CRACR2A: variants seen among roughly 807,000 people sequenced by gnomAD.
CRACR2A encodes calcium release activated channel regulator 2A, also known as EF-hand calcium-binding domain-containing protein 4B.
In CRACR2A, 79 loss-of-function variants were observed where a neutral mutation model predicts 90.5. The ratio of observed to expected loss-of-function variants is 0.87; its 90% confidence interval spans 0.73 to 1.05. CRACR2A has a LOEUF of 1.05. CRACR2A is among the 50% of genes least tolerant of loss of function. CRACR2A has a pLI of 0.00. For synonymous variants in CRACR2A, 338 were observed against 356.7 expected, an observed-to-expected ratio of 0.95 and a Z score of 0.59; for missense variants, 823 against 897.2, an observed-to-expected ratio of 0.92 and a Z score of 1.06.
chr12:3,669,565 G>C (rs1945205414), intron 7 of CRACR2A, among the ~76,000 whole-genome samples: 1 of 152,168 alleles, frequency 6.6e-6, no homozygotes, highest in Admixed American at 6.5e-5. Context: ...GAGACTGAAT[G>C]CTCCCAGACT....
chr12:3,625,537 C>G (rs1389412830), intron 17 of CRACR2A, among the ~76,000 whole-genome samples: 1 of 150,518 alleles, frequency 6.6e-6, no homozygotes, highest in Non-Finnish European at 1.5e-5. Flanking sequence ...TGGGGGACAA[C>G]TAAATGTCTG....
At chr12:3,720,416 G>GGAGA (rs1555119070) in intron 2 of CRACR2A, among the ~76,000 whole-genome samples, 1 of 106,634 alleles carries the variant, frequency 9.4e-6, no homozygotes, top group South Asian at 3.4e-4. Flanking sequence ...TGAGAGAGAG[G>GGAGA]AAGAAAGAAA....
chr12:3,675,111 C>T (rs1171997352), intron 6 of CRACR2A, among the ~76,000 whole-genome samples: 1 of 152,178 alleles, frequency 6.6e-6, no homozygotes, highest in East Asian at 1.9e-4. Flanking sequence ...CAGTCATCTG[C>T]ACCTTGACAA....
chr12:3,707,564 G>A (rs989164854), intron 3 of CRACR2A, among the ~76,000 whole-genome samples: 9 of 152,186 alleles, frequency 5.9e-5, no homozygotes, highest in Non-Finnish European at 1.2e-4. Context: ...GAACATCAAA[G>A]CCAAACATAG....
chr12:3,679,484 A>G (rs938431296), intron 5 of CRACR2A, among the ~76,000 whole-genome samples: 18 of 152,106 alleles, frequency 1.2e-4, no homozygotes, highest in Non-Finnish European at 2.2e-4. Flanking sequence ...CATCCTAGTC[A>G]TCCTCCCGCT....
intron 4 of CRACR2A, among the ~76,000 whole-genome samples, chr12:3,693,816 C>A (rs192801681): frequency 6.6e-6 from 1 of 152,126 alleles, no homozygotes; most frequent in Non-Finnish European, 1.5e-5. Flanking sequence ...AAGTATCTTA[C>A]TGGGGTTCTT....
In CRACR2A at chr12:3,638,019, TGCAGCATCTGACCTCCTGA is replaced by T. The variant is rs1944489006; in HGVS notation, c.1602+86_1602+104del. ...CACATATGTGGTGAATCATAAGACC[TGCAGCATCTGACCTCCTGA>T]GCTGCCTCTCCGGGCGCTTGGCCTC... On this transcript the variant is annotated intron_variant, in intron 14 of 19. Coordinates refer to ENST00000440314, the MANE Select transcript of CRACR2A (RefSeq NM_001144958.2). 58 of 1,121,064 alleles carry T rather than the reference TGCAGCATCTGACCTCCTGA, an allele frequency of 5.2e-5. No homozygotes were observed. In the South Asian group the frequency reaches 8.9e-4, roughly 17 times the overall value. The allele number at this position is 1,121,064 out of a possible 1,614,324, so 69.4% of individuals were successfully genotyped here.
Position 3,638,341 on chromosome 12 carries a change from C to A in CRACR2A, c.1385G>T (p.Gly462Val), listed in dbSNP as rs1163393122. 1.3e-6 allele frequency: 2 copies of A among 1,551,432 alleles called. No homozygotes were observed. The highest frequency in any genetic ancestry group is 2.4e-5 in the East Asian group (1 of 40,904). ...EPGTGEPGPG[G>V]PYPRPLRRII... is the part of the protein sequence containing the mutation. ...TCTGCGGAGCGGCCGGGGGTACGGA[C>A]CCCCAGGCCCTGGCTCCCCGGTTCC... The change falls in exon 14 of 20, where the codon GGT becomes GTT. Residue 462 changes from glycine to valine, a missense_variant. Transcript: ENST00000440314.
chr12:3,627,777 T>G, intron 15 of CRACR2A, 71 bp from the exon 16 acceptor site: 2 of 1,411,214 alleles, frequency 1.4e-6, no homozygotes, highest in South Asian at 2.5e-5. Flanking sequence ...CAGGAAACAA[T>G]GCTTCCAACA....
chr12:3,632,514 T>C lies in CRACR2A; in HGVS notation c.1735+1090A>G, dbSNP rs528366119. Among the ~76,000 whole-genome samples the C allele has an allele frequency of 4.6e-5, 7 of 152,290 alleles. No individual in the cohort carries two copies. The South Asian group carries it at 1.2e-3, about 27-fold the overall frequency. Reference sequence around the variant, plus strand: ...CTGAACCTCCACAGCCCCTCCTGTCTGCACCAACCTCTGCCCACCTCCAGA... The same window carrying C: ...CTGAACCTCCACAGCCCCTCCTGTCCGCACCAACCTCTGCCCACCTCCAGA... On this transcript the variant is annotated intron_variant, in intron 15 of 19. Coordinates refer to ENST00000440314, the MANE Select transcript of CRACR2A (RefSeq NM_001144958.2).
rs377375003 is a variant in CRACR2A at position 3,680,330 on chromosome 12, G to A, written c.248C>T (p.Pro83Leu). Residue 83 changes from proline to leucine, a missense_variant, in exon 5 of 20, where the codon CCG becomes CTG. Transcript: ENST00000440314. The stretch of plus-strand genomic sequence containing the variant: ...ATCCTCCAGTTCCTCCAGGCTGAGC[G>A]GTAGCTCCTTATGCAGCCTCTGAAA... The part of the protein sequence containing the change: ...KDMQRLHKEL[P>L]LSLEELEDVF... 6.1e-5 allele frequency: 98 copies of A among 1,613,926 alleles called. No homozygotes were observed. Among genetic ancestry groups the A allele is most frequent in the Non-Finnish European group, 7.7e-5 (91 of 1,179,950 alleles).
chr12:3,748,324 C>G (rs1946655122), intron 1 of CRACR2A, among the ~76,000 whole-genome samples: 1 of 152,182 alleles, frequency 6.6e-6, no homozygotes, highest in African/African-American at 2.4e-5. Context: ...CTAGAAACAC[C>G]TGGAGCATCA....
At chr12:3,648,338 G>A in intron 11 of CRACR2A, 1 of 1,475,544 alleles carries the variant, frequency 6.8e-7, no homozygotes, top group Non-Finnish European at 9.0e-7. Context: ...TAAACTGGAT[G>A]TGGGCGCATG....
At chr12:3,656,272 G>A (rs757614120) in intron 9 of CRACR2A, 39 bp downstream of exon 9, 1 of 1,594,670 alleles carries the variant, frequency 6.3e-7, no homozygotes, top group Non-Finnish European at 8.6e-7. Flanking sequence ...AGGAGAGAGT[G>A]AAGAGCCAGG....
chr12:3,649,987 C>A (rs1944765734), intron 10 of CRACR2A, among the ~76,000 whole-genome samples: 1 of 152,202 alleles, frequency 6.6e-6, no homozygotes, highest in South Asian at 2.1e-4. Context: ...CTTCACAATT[C>A]TGTCTTCATT....
chr12:3,654,483 T>G, intron 9 of CRACR2A, 84 bp from the exon 10 acceptor site: 5 of 1,395,014 alleles, frequency 3.6e-6, no homozygotes, highest in Non-Finnish European at 3.8e-6. Context: ...TTGTTTTCTC[T>G]GCTTGGCAGG....
chr12:3,682,367 A>C (rs979482749), intron 4 of CRACR2A, among the ~76,000 whole-genome samples: 1 of 152,196 alleles, frequency 6.6e-6, no homozygotes, highest in African/African-American at 2.4e-5. Context: ...ATGAACCAGG[A>C]GAGGCTAGTT....
chr12:3,718,895 T>A (rs1946116617), intron 2 of CRACR2A, among the ~76,000 whole-genome samples: 2 of 152,016 alleles, frequency 1.3e-5, no homozygotes, highest in African/African-American at 4.8e-5. Context: ...GGAGGAGAGT[T>A]TACAAGAAGC....
intron 7 of CRACR2A, among the ~76,000 whole-genome samples, chr12:3,666,267 G>A (rs1188106215): frequency 1.3e-5 from 2 of 151,940 alleles, no homozygotes; most frequent in Middle Eastern, 3.2e-3. Flanking sequence ...CCAGCTCAGG[G>A]CATTAAACAT....
Sources: gnomAD v4.1 joint callset for allele counts (sites outside exome capture counted in the v4.1 genomes callset) on GRCh38, gnomAD v4.1.1 for gene constraint, MANE v1.5 for transcripts, NCBI Gene and HGNC (gene_info 2026-07-23, HGNC 2026-07-21) for gene names.